The following MLLT1 variants were observed in gnomAD, a reference collection of about 807,000 sequenced individuals.
The protein encoded by MLLT1 is protein ENL.
MLLT1 carries 11 observed loss-of-function variants against 55.1 expected under a neutral mutation model. That is an observed-to-expected ratio of 0.20 (90% CI 0.13 to 0.33). MLLT1 has a LOEUF of 0.33. Ranked by LOEUF, MLLT1 falls within the 10% of genes least tolerant of loss-of-function variation. MLLT1 has a pLI of 1.00. For missense variants in MLLT1, 536 were observed against 760.6 expected (o/e 0.70, Z 3.47); for synonymous variants, 323 against 320.1 (o/e 1.01, Z -0.10).
intron 3 of MLLT1, among the ~76,000 whole-genome samples, chr19:6,233,512 G>A (rs77086332): frequency 0.019 from 2,856 of 152,324 alleles, 37 homozygotes; most frequent in Non-Finnish European, 0.03. Flanking sequence ...TGTCCGAGGG[G>A]ACATGTGACA....
At chr19:6,252,443 T>C (rs539460556) in intron 3 of MLLT1, among the ~76,000 whole-genome samples, 12 of 152,326 alleles carry the variant, frequency 7.9e-5, no homozygotes, top group African/African-American at 2.6e-4. Flanking sequence ...GTCTCTCCTA[T>C]TGATTTTGTC....
intron 3 of MLLT1, among the ~76,000 whole-genome samples, chr19:6,238,450 G>A (rs2091083377): frequency 1.3e-5 from 2 of 152,266 alleles, no homozygotes; most frequent in African/African-American, 4.8e-5. Context: ...TGCGGGGAGA[G>A]AGGAGAAAGC....
At chr19:6,272,987 G>C (rs2091406841) in intron 1 of MLLT1, among the ~76,000 whole-genome samples, 1 of 152,182 alleles carries the variant, frequency 6.6e-6, no homozygotes, top group African/African-American at 2.4e-5. Flanking sequence ...AAAAGGAAAG[G>C]GGGCAGAGGG....
chr19:6,219,334 C>T lies in MLLT1; in HGVS notation c.1111-1293G>A, dbSNP rs374546947. 8.7e-4 allele frequency among the ~76,000 whole-genome samples: 133 copies of T among 152,260 alleles called. No individual in the cohort carries two copies. The highest frequency in any genetic ancestry group is 2.9e-3 in the African/African-American group (119 of 41,570). ...ATGAATCATCACTGGGAAAGCCTGCCGTGGTGCCCATCAGTCACTGCCCAC... is the reference window on the plus strand; with the variant it reads ...ATGAATCATCACTGGGAAAGCCTGCTGTGGTGCCCATCAGTCACTGCCCAC... On this transcript the variant is annotated intron_variant, in intron 6 of 11. Coordinates refer to ENST00000252674, the MANE Select transcript of MLLT1 (RefSeq NM_005934.4). The surrounding 1 kb of genome is among the most constrained non-coding windows in gnomAD (Gnocchi z 4.5).
At position 6,222,677 on chromosome 19, in the gene MLLT1, T is replaced by C. The variant is rs143194445; in HGVS notation, c.554A>G (p.Asn185Ser). The change falls in exon 6 of 12, where the codon AAC becomes AGC. Residue 185 changes from asparagine (N) to serine (S), a missense_variant. Physicochemically the swap from Asn to Ser is conservative, Grantham distance 46. This residue lies in a region of MLLT1 where 449 missense variants were observed against 489.0 expected (regional missense o/e 0.92). Transcript: ENST00000252674. The surrounding 1 kb of genome is among the most constrained non-coding windows in gnomAD (Gnocchi z 4.1). ...CTTGGAGGTCTTGCTGCTCTCCTTG[T>C]TGGCGTCCTGCAAGGCCAAGAGCAG... ...TKPSHGSKDA[N>S]KESSKTSKPH... The C allele has an allele frequency of 1.9e-5, 29 of 1,535,594 alleles. No individual in the cohort carries two copies. The highest frequency in any genetic ancestry group is 2.3e-5 in the East Asian group (1 of 43,388).
intron 3 of MLLT1, among the ~76,000 whole-genome samples, chr19:6,244,985 T>TG (rs565827954): frequency 3.3e-5 from 5 of 151,848 alleles, no homozygotes; most frequent in African/African-American, 1.2e-4. Flanking sequence ...CATACCCGGC[T>TG]GGGGGGGAAT....
At chr19:6,258,068 C>A (rs563175810) in intron 3 of MLLT1, among the ~76,000 whole-genome samples, 1 of 152,142 alleles carries the variant, frequency 6.6e-6, no homozygotes, top group Non-Finnish European at 1.5e-5. Context: ...CACTGGAAAA[C>A]GGCTTAGCAG....
chr19:6,267,347 A>AC (rs1321819476), intron 2 of MLLT1, among the ~76,000 whole-genome samples: 1 of 150,110 alleles, frequency 6.7e-6, no homozygotes, highest in Non-Finnish European at 1.5e-5. Flanking sequence ...CAGGTGATCC[A>AC]CCCGTCTCGG....
At chr19:6,255,946 C>T (rs903821517) in intron 3 of MLLT1, among the ~76,000 whole-genome samples, 74 of 152,016 alleles carry the variant, frequency 4.9e-4, no homozygotes, top group African/African-American at 1.0e-3. Context: ...GGGCCAAGCA[C>T]GGTGGCTCAC....
chr19:6,215,487 CT>C (rs1345760691), intron 8 of MLLT1, among the ~76,000 whole-genome samples: 1 of 152,234 alleles, frequency 6.6e-6, no homozygotes, highest in Non-Finnish European at 1.5e-5. Flanking sequence ...CAGTGAGCCA[CT>C]GCTCCTGCTC....
chr19:6,212,830 C>T lies in MLLT1; in HGVS notation c.*212G>A, dbSNP rs1330894167. On this transcript the variant is annotated 3_prime_UTR_variant, in exon 12 of 12. Coordinates refer to ENST00000252674, the MANE Select transcript of MLLT1 (RefSeq NM_005934.4). ...CCCAGAGAGCCCGGGGGGCGGCTCC[C>T]GTGTGGCCCAGCCCGGCCCCAGGGC... 38 of 904,416 alleles carry T rather than the reference C, an allele frequency of 4.2e-5. No homozygotes were observed. The highest frequency in any genetic ancestry group is 2.5e-4 in the Admixed American group (7 of 28,182). The allele number at this position is 904,416 out of a possible 1,614,324, so 56.0% of individuals were successfully genotyped here. A position where few individuals can be genotyped will look rare whatever the true frequency, so the allele number is the denominator to read the frequency against.
intron 3 of MLLT1, among the ~76,000 whole-genome samples, chr19:6,237,601 CAAAAAAA>C (rs1232206376): frequency 3.1e-5 from 3 of 97,180 alleles, no homozygotes; most frequent in Admixed American, 1.1e-4. Flanking sequence ...ACTAAAAATA[CAAAAAAA>C]AAAAAAAAAA....
chr19:6,217,934 C>G lies in MLLT1; in HGVS notation c.1198+20G>C. On this transcript the variant is annotated intron_variant, in intron 7 of 11. Coordinates refer to ENST00000252674, the MANE Select transcript of MLLT1 (RefSeq NM_005934.4). ...CCTCCCCGGCCCCATCCGTGCCCCCCAGCTGCTCTCCATACACACCTTGGC... is the reference window on the plus strand; with the variant it reads ...CCTCCCCGGCCCCATCCGTGCCCCCGAGCTGCTCTCCATACACACCTTGGC... 6.3e-7 allele frequency: 1 copy of G among 1,589,062 alleles called. No homozygotes were observed. The highest frequency in any genetic ancestry group is 1.8e-5 in the Admixed American group (1 of 54,644).
intron 2 of MLLT1, among the ~76,000 whole-genome samples, chr19:6,265,887 G>A (rs1198603967): frequency 1.3e-5 from 2 of 151,634 alleles, no homozygotes; most frequent in Non-Finnish European, 2.9e-5. Context: ...GCTGAGGCAG[G>A]AGAATCGCTT....
chr19:6,260,810 C>T (rs141233616), intron 3 of MLLT1, among the ~76,000 whole-genome samples: 8 of 152,236 alleles, frequency 5.3e-5, no homozygotes, highest in Non-Finnish European at 1.2e-4. Context: ...TGCACCACTG[C>T]GCTCCAGCCT....
chr19:6,279,813 C>A lies in MLLT1; in HGVS notation c.-29G>T. On this transcript the variant is annotated 5_prime_UTR_variant, in exon 1 of 12. Transcript: ENST00000252674. ...TGGCGCCCCGCCCCGCCCCCGGGCC[C>A]CGCGTCGCTCGCCGCCGCCGCCGCC... The A allele has an allele frequency of 6.5e-6, 1 of 153,032 alleles. No individual in the cohort carries two copies. Among genetic ancestry groups the A allele is most frequent in the Non-Finnish European group, 1.4e-5 (1 of 71,224 alleles). 9.5% of individuals were successfully genotyped at this position (153,032 alleles called of 1,614,324 possible). A position where few individuals can be genotyped will look rare whatever the true frequency, so the allele number is the denominator to read the frequency against.
Position 6,231,853 on chromosome 19 carries a change from T to C in MLLT1, c.277-1140A>G, listed in dbSNP as rs2091013870. Among the ~76,000 whole-genome samples the C allele has an allele frequency of 6.6e-6, 1 of 151,398 alleles. No individual in the cohort carries two copies. Among genetic ancestry groups the C allele is most frequent in the Non-Finnish European group, 1.5e-5 (1 of 67,876 alleles). The stretch of plus-strand genomic sequence containing the variant: ...CTTAAGAACCCTGCCCCATCCCAAA[T>C]GATGTAAGCCACAGGTCCCAGGGGA... On this transcript the variant is annotated intron_variant, in intron 3 of 11. Transcript: ENST00000252674. This position sits in a 1 kb window ranked among gnomAD's most constrained non-coding sequence, Gnocchi z 5.1.
chr19:6,256,111 G>A lies in MLLT1; in HGVS notation c.276+6117C>T, dbSNP rs945882742. Among the ~76,000 whole-genome samples the A allele has an allele frequency of 1.3e-5, 2 of 152,102 alleles. No individual in the cohort carries two copies. The highest frequency in any genetic ancestry group is 2.9e-5 in the Non-Finnish European group (2 of 68,028). ...AGGCACCTGTAATCCCAGCTATTCAGGAGGCTGAGGCAGGAGAATCGCTTG... is the reference window on the plus strand; with the variant it reads ...AGGCACCTGTAATCCCAGCTATTCAAGAGGCTGAGGCAGGAGAATCGCTTG... On this transcript the variant is annotated intron_variant, in intron 3 of 11. Transcript: ENST00000252674. This position sits in a 1 kb window ranked among gnomAD's most constrained non-coding sequence, Gnocchi z 4.1.
rs577592154 is a variant in MLLT1, at chr19:6,226,021, C to A, written c.546+956G>T. 6.6e-6 allele frequency among the ~76,000 whole-genome samples: 1 copy of A among 152,368 alleles called. No individual in the cohort carries two copies. The highest frequency in any genetic ancestry group is 6.5e-5 in the Admixed American group (1 of 15,306). ...CTGGCAAGTCTGACGATTTCTAAGA[C>A]CTGCTGGCCTTGGGGAAAGAGCCAG... On this transcript the variant is annotated intron_variant, in intron 5 of 11. Transcript: ENST00000252674. The surrounding 1 kb of genome is among the most constrained non-coding windows in gnomAD (Gnocchi z 6.3).
Sources: allele counts gnomAD v4.1 joint callset (sites outside exome capture counted in the v4.1 genomes callset), GRCh38; gene constraint gnomAD v4.1.1; regional missense constraint gnomAD v4.1.1; non-coding constraint Gnocchi (gnomAD v3.1); transcripts MANE v1.5; gene names NCBI Gene and HGNC (gene_info 2026-07-23, HGNC 2026-07-21).